The following TJP1 variants were observed in gnomAD, a reference collection of about 807,000 sequenced individuals.
The protein encoded by TJP1 is tight junction protein ZO-1.
A neutral mutation model predicts 194.2 loss-of-function variants in TJP1; 43 were observed. That is an observed-to-expected ratio of 0.22 (90% CI 0.17 to 0.29). TJP1 has a LOEUF of 0.29. Among genes scored for constraint, TJP1 ranks in the 10% least tolerant of loss-of-function variants. TJP1 has a pLI of 1.00. For synonymous variants in TJP1, 801 were observed against 779.0 expected, an observed-to-expected ratio of 1.03 and a Z score of -0.47; for missense variants, 1,971 against 2,185.7, an observed-to-expected ratio of 0.90 and a Z score of 1.96.
chr15:29,809,601 T>C (rs1220988182), intron 1 of TJP1, among the ~76,000 whole-genome samples: 1 of 152,114 alleles, frequency 6.6e-6, no homozygotes, highest in Non-Finnish European at 1.5e-5. Flanking sequence ...ATCTCAGCAC[T>C]TGGGAGGCCA....
intron 2 of TJP1, among the ~76,000 whole-genome samples, chr15:29,854,773 T>C (rs1052556647): frequency 9.2e-5 from 14 of 152,134 alleles, no homozygotes; most frequent in African/African-American, 2.9e-4. Flanking sequence ...TGAAAATCAC[T>C]ACTTTAAAAA....
chr15:29,790,596 G>T (rs2048007949), intron 2 of TJP1, among the ~76,000 whole-genome samples: 1 of 151,976 alleles, frequency 6.6e-6, no homozygotes, highest in Non-Finnish European at 1.5e-5. Context: ...ATAAATTAAC[G>T]ATAGTTGCCC....
intron 2 of TJP1, among the ~76,000 whole-genome samples, chr15:29,882,577 G>T (rs769956087): frequency 6.6e-6 from 1 of 152,194 alleles, no homozygotes; most frequent in African/African-American, 2.4e-5. Context: ...AATTCAGTTT[G>T]TTATGAGATT....
chr15:29,954,144 A>C (rs1164978710), intron 2 of TJP1, among the ~76,000 whole-genome samples: 1 of 152,214 alleles, frequency 6.6e-6, no homozygotes, highest in Non-Finnish European at 1.5e-5. Flanking sequence ...TACTAACTTC[A>C]ACCAGATCAA....
At chr15:29,745,509 G>C (rs1340753640) in intron 8 of TJP1, among the ~76,000 whole-genome samples, 2 of 152,094 alleles carry the variant, frequency 1.3e-5, no homozygotes, top group Non-Finnish European at 2.9e-5. Context: ...TAGAAATTCG[G>C]AAGCCATAAA....
rs1278263957 is a variant in TJP1 at position 29,836,056 on chromosome 15, A to C, written c.307-35354T>G. Reference sequence around the variant, plus strand: ...GTTGGGTATGATTATTCAAGAATACATTTAACTTGTGGCACTAAATCCAGA... The same window carrying C: ...GTTGGGTATGATTATTCAAGAATACCTTTAACTTGTGGCACTAAATCCAGA... On this transcript the variant is annotated intron_variant, in intron 2 of 28. Transcript: ENST00000356107. Among the ~76,000 whole-genome samples, 15 of 152,256 alleles carry C rather than the reference A, an allele frequency of 9.9e-5. No homozygotes were observed. In the East Asian group the frequency reaches 2.9e-3, roughly 29 times the overall value.
At chr15:29,724,462 A>G (rs549643601) in intron 18 of TJP1, among the ~76,000 whole-genome samples, 2 of 152,370 alleles carry the variant, frequency 1.3e-5, no homozygotes, top group South Asian at 2.1e-4. Flanking sequence ...CTGGGCAAGA[A>G]TAACTTAGAA....
intron 2 of TJP1, among the ~76,000 whole-genome samples, chr15:29,856,371 C>T (rs546497716): frequency 1.3e-5 from 2 of 152,134 alleles, no homozygotes; most frequent in Non-Finnish European, 2.9e-5. Context: ...ATATATTGCA[C>T]TATTCCATTA....
At chr15:29,719,171 C>A (rs748846382) in intron 20 of TJP1, 33 bp from the exon 21 acceptor site, 1 of 1,533,338 alleles carries the variant, frequency 6.5e-7, no homozygotes, top group Non-Finnish European at 8.7e-7. Context: ...AGGACAAAGT[C>A]TTGTTTCTAA....
chr15:29,827,250 C>T (rs191173735), upstream of TJP1, among the ~76,000 whole-genome samples: 8 of 152,288 alleles, frequency 5.3e-5, no homozygotes, highest in African/African-American at 1.9e-4. Context: ...TGGGTTGGAG[C>T]AATAGGCCCG....
chr15:29,831,041 C>CA (rs1273772759), intron 2 of TJP1, among the ~76,000 whole-genome samples: 1 of 151,994 alleles, frequency 6.6e-6, no homozygotes, highest in Non-Finnish European at 1.5e-5. Flanking sequence ...TTCACAATAA[C>CA]AAAAAAGAGC....
intron 1 of TJP1, among the ~76,000 whole-genome samples, chr15:29,817,146 A>C (rs1247813942): frequency 6.6e-6 from 1 of 152,220 alleles, no homozygotes; most frequent in Non-Finnish European, 1.5e-5. Context: ...CTGGGCAAAG[A>C]ATATGAACAG....
chr15:29,768,255 C>T (rs2046441525), intron 4 of TJP1, among the ~76,000 whole-genome samples: 1 of 152,182 alleles, frequency 6.6e-6, no homozygotes, highest in Non-Finnish European at 1.5e-5. Flanking sequence ...GGAGGACAGC[C>T]AATGCCCTGT....
intron 10 of TJP1, among the ~76,000 whole-genome samples, chr15:29,740,783 A>C (rs1260834509): frequency 6.6e-6 from 1 of 152,148 alleles, no homozygotes; most frequent in Non-Finnish European, 1.5e-5. Flanking sequence ...TGGGTTGCTA[A>C]CTACCCTAGA....
intron 2 of TJP1, among the ~76,000 whole-genome samples, chr15:29,911,268 G>A (rs968515756): frequency 6.6e-6 from 1 of 152,152 alleles, no homozygotes; most frequent in African/African-American, 2.4e-5. Flanking sequence ...AAACCCAGAG[G>A]CTGACAGAGC....
chr15:29,773,306 G>C lies in TJP1; in HGVS notation c.136C>G (p.His46Asp). The change falls in exon 3 of 28, where the codon CAT (histidine) becomes GAT (aspartate). Residue 46 changes from histidine (H) to aspartate (D), a missense_variant. By Grantham distance (81) the His-to-Asp change is moderately conservative. Around this residue, in one of 5 missense-constraint regions of TJP1, gnomAD observed 245 missense variants for 336.6 expected, o/e 0.73. Transcript: ENST00000614355. ...IAISGGRDNP[H>D]FQSGETSIVI... ...ATTGACGTTTCCCCACTCTGAAAAT[G>C]AGGATTATCTCGTCCACCAGATATT... 1 of 1,614,044 alleles carries C rather than the reference G, an allele frequency of 6.2e-7. No homozygotes were observed. Among genetic ancestry groups the C allele is most frequent in the East Asian group, 2.2e-5 (1 of 44,872 alleles).
chr15:29,737,031 T>A (rs2044080300), intron 11 of TJP1, among the ~76,000 whole-genome samples: 1 of 152,210 alleles, frequency 6.6e-6, no homozygotes, highest in Non-Finnish European at 1.5e-5. Context: ...AATGAAATGT[T>A]ACATTCTTTA....
chr15:29,744,137 C>T (rs1465472629), intron 8 of TJP1, among the ~76,000 whole-genome samples: 1 of 152,126 alleles, frequency 6.6e-6, no homozygotes, highest in African/African-American at 2.4e-5. Context: ...CAAGATCGTG[C>T]CACTGCACTC....
At chr15:29,848,484 T>C (rs995907126) in intron 2 of TJP1, among the ~76,000 whole-genome samples, 1 of 152,260 alleles carries the variant, frequency 6.6e-6, no homozygotes, top group Non-Finnish European at 1.5e-5. Flanking sequence ...ATTATCTATG[T>C]AGACAGCCTG....
Sources: allele counts gnomAD v4.1 joint callset (sites outside exome capture counted in the v4.1 genomes callset), GRCh38; gene constraint gnomAD v4.1.1; regional missense constraint gnomAD v4.1.1; transcripts MANE v1.5; gene names NCBI Gene and HGNC (gene_info 2026-07-23, HGNC 2026-07-21).